The following SSX7 variants were observed in gnomAD, a reference collection of about 807,000 sequenced individuals.
SSX7 encodes the protein SSX family member 7, also known as protein SSX7.
Under a neutral mutation model 14.7 loss-of-function variants are expected in SSX7, and 15 were observed. That is an observed-to-expected ratio of 1.02 (90% CI 0.68 to 1.58). The LOEUF is 1.58. Ranked by LOEUF, SSX7 falls within the 40% of genes most tolerant of loss-of-function variation. The pLI, the probability that SSX7 is intolerant of heterozygous loss-of-function variation, is 0.00. For synonymous variants in SSX7, 46 were observed against 50.6 expected, an observed-to-expected ratio of 0.91 and a Z score of 0.38; for missense variants, 178 against 146.8, an observed-to-expected ratio of 1.21 and a Z score of -1.10.
chrX:52,650,255 G>A, intron 5 of SSX7, 98 bp downstream of exon 5: 2 of 1,033,799 alleles, frequency 1.9e-6, no homozygotes, highest in South Asian at 4.0e-5. Context: ...GGAGAAGGAG[G>A]CAGTGAGGGC....
At chrX:52,649,113 A>G (rs1556766711) in intron 5 of SSX7, among the ~76,000 whole-genome samples, 1 of 111,703 alleles carries the variant, frequency 9.0e-6, no homozygotes, top group Non-Finnish European at 1.9e-5. Context: ...GCTCACTGCA[A>G]CATCCAACTC....
Position 52,652,935 on chromosome X carries a change from A to T in SSX7, c.119T>A (p.Met40Lys). 8.3e-7 allele frequency: 1 copy of T among 1,203,806 alleles called. No homozygotes were observed. Among genetic ancestry groups the T allele is most frequent in the South Asian group, 1.8e-5 (1 of 56,845 alleles). The change falls in exon 3 of 8, where the codon ATG becomes AAG. Residue 40 changes from methionine (M) to lysine (K), a missense_variant. Met to Lys is a moderately conservative substitution (Grantham distance 95). Transcript: ENST00000298181. ...ATAGCTGATTTTCTCCAAGGATTTCATCTTTTCCCACTCTTTCTTAGAGAA... is the reference window on the plus strand; with the variant it reads ...ATAGCTGATTTTCTCCAAGGATTTCTTCTTTTCCCACTCTTTCTTAGAGAA... ...KYFSKKEWEK[M>K]KSLEKISYVY...
intron 5 of SSX7, among the ~76,000 whole-genome samples, chrX:52,649,553 G>A: frequency 8.9e-6 from 1 of 111,866 alleles, no homozygotes; most frequent in Non-Finnish European, 1.9e-5. Context: ...CACTTGTGGG[G>A]TCACTCATTC....
intron 6 of SSX7, among the ~76,000 whole-genome samples, chrX:52,646,601 G>C (rs1428467287): frequency 9.0e-6 from 1 of 110,945 alleles, no homozygotes; most frequent in African/African-American, 3.3e-5. Flanking sequence ...TTGGGGGGTG[G>C]GTACCAGGAA....
At chrX:52,651,775 T>G (rs1556767034) in intron 4 of SSX7, among the ~76,000 whole-genome samples, 1 of 111,521 alleles carries the variant, frequency 9.0e-6, no homozygotes, top group African/African-American at 3.3e-5. Flanking sequence ...CTCCGGAGGC[T>G]GAGGCAGGAG....
At chrX:52,654,294 T>G (rs1246105968) in intron 1 of SSX7, among the ~76,000 whole-genome samples, 3 of 105,440 alleles carry the variant, frequency 2.8e-5, no homozygotes, top group African/African-American at 1.0e-4. Context: ...AGAAGCGGAG[T>G]GGTGTGCACC....
In SSX7 at chrX:52,652,211, G is replaced by C. The variant is rs782160313; in HGVS notation, c.280+41C>G. On this transcript the variant is annotated intron_variant, in intron 4 of 7. Coordinates refer to ENST00000298181, the MANE Select transcript of SSX7 (RefSeq NM_173358.2). ...AAGTAGCTGAGCTGAAAAGCAGCTG[G>C]GCTTGAGGAGACCCTTTCCAGCCCC... The C allele has an allele frequency of 2.0e-5, 21 of 1,057,007 alleles. No individual in the cohort carries two copies. The South Asian group carries it at 3.2e-4, about 16-fold the overall frequency. The allele number at this position is 1,057,007 out of a possible 1,213,427, so 87.1% of individuals were successfully genotyped here.
intron 6 of SSX7, among the ~76,000 whole-genome samples, chrX:52,647,028 ACTGC>A (rs1275929939): frequency 3.6e-5 from 4 of 112,385 alleles, no homozygotes; most frequent in Non-Finnish European, 7.5e-5. Flanking sequence ...AGAAAGCAAA[ACTGC>A]CTTACTGCTC....
At chrX:52,650,295 G>A (rs370183544) in intron 5 of SSX7, 58 bp downstream of exon 5, 788 of 1,172,108 alleles carry the variant, frequency 6.7e-4, no homozygotes, top group South Asian at 8.8e-4. Flanking sequence ...TCTTACCAGT[G>A]TTTGCATCCA....
rs782686776 is a variant in SSX7 at position 52,652,346 on chromosome X, G to A, written c.186C>T (p.Gly62=). 46 of 1,195,036 alleles carry A rather than the reference G, an allele frequency of 3.8e-5. No individual in the cohort carries two copies. The Middle Eastern group carries it at 9.3e-4, about 24-fold the overall frequency. ...TGAAAGGTGGGAGGGTGGCCTTGAA[G>A]CCTAGAAAGAAGCAAAATGTTTATT... ...KRKYEAMTKL[G]FKATLPPFMH... is the part of the protein sequence containing the mutation. The change falls in exon 4 of 8, where the codon GGC becomes GGT. Residue 62 remains glycine (G), a splice_region_variant and synonymous_variant. Coordinates refer to ENST00000298181, the MANE Select transcript of SSX7 (RefSeq NM_173358.2).
Position 52,652,348 on chromosome X carries a change from C to A in SSX7, c.185-1G>T. On this transcript the variant is annotated splice_acceptor_variant, in intron 3 of 7. Transcript: ENST00000298181. LOFTEE classifies it high-confidence loss of function. ...AAAGGTGGGAGGGTGGCCTTGAAGC[C>A]TAGAAAGAAGCAAAATGTTTATTCC... 1 of 1,192,102 alleles carries A rather than the reference C, an allele frequency of 8.4e-7. No individual in the cohort carries two copies. Among genetic ancestry groups the A allele is most frequent in the Non-Finnish European group, 1.1e-6 (1 of 879,215 alleles).
Position 52,650,377 on chromosome X carries a change from G to C in SSX7, c.306C>G (p.Cys102Trp), listed in dbSNP as rs782735386. 1.2e-5 allele frequency: 14 copies of C among 1,210,258 alleles called. No homozygotes were observed. The highest frequency in any genetic ancestry group is 1.6e-5 in the Non-Finnish European group (14 of 894,444). Residue 102 changes from cysteine (C) to tryptophan (W), a missense_variant, in exon 5 of 8, where the codon TGC (cysteine) becomes TGG (tryptophan). Coordinates refer to ENST00000298181, the MANE Select transcript of SSX7 (RefSeq NM_173358.2). ...CCTTCGGGAAGATTCTCTGGAGCCT[G>C]CAAAAAGTCATCTGAGGACGTTCAA... is the stretch of plus-strand genomic sequence containing the variant. ...NQVERPQMTF[C>W]RLQRIFPKIM...
intron 5 of SSX7, 91 bp downstream of exon 5, chrX:52,650,262 G>A (rs2056850107): frequency 3.7e-5 from 40 of 1,091,381 alleles, no homozygotes; most frequent in Non-Finnish European, 4.8e-5. Context: ...GAGGCAGTGA[G>A]GGCATTTTTT....
chrX:52,650,538 C>T, intron 4 of SSX7, 136 bp from the exon 5 acceptor site: 1 of 736,602 alleles, frequency 1.4e-6, no homozygotes, highest in Non-Finnish European at 2.0e-6. Context: ...AGTTTTGCTT[C>T]TGAATTATGT....
At position 52,653,505 on chromosome X, in the gene SSX7, T is replaced by A. The variant is rs782325714; in HGVS notation, c.-20-13A>T. On this transcript the variant is annotated splice_polypyrimidine_tract_variant and intron_variant, in intron 1 of 7. Coordinates refer to ENST00000298181, the MANE Select transcript of SSX7 (RefSeq NM_173358.2). ...GGAGCAGTCTGACCTGCAAGAGAAA[T>A]AGCCTGAGTCTTTCCAGCCACAGCA... 8.3e-7 allele frequency: 1 copy of A among 1,208,702 alleles called. No homozygotes were observed. Among genetic ancestry groups the A allele is most frequent in the Non-Finnish European group, 1.1e-6 (1 of 894,403 alleles).
At chrX:52,651,718 A>G (rs1256759953) in intron 4 of SSX7, among the ~76,000 whole-genome samples, 5 of 111,347 alleles carry the variant, frequency 4.5e-5, no homozygotes, top group Non-Finnish European at 7.5e-5. Flanking sequence ...TCTACCAAAA[A>G]TAAAAAATGA....
At chrX:52,649,357 G>A (rs1213598399) in intron 5 of SSX7, among the ~76,000 whole-genome samples, 17 of 111,767 alleles carry the variant, frequency 1.5e-4, no homozygotes, top group Admixed American at 1.3e-3. Context: ...CAGCTTCCTT[G>A]CTTATGAGAT....
At chrX:52,647,426 G>A (rs782671260) in intron 6 of SSX7, among the ~76,000 whole-genome samples, 8 of 112,306 alleles carry the variant, frequency 7.1e-5, no homozygotes, top group South Asian at 7.5e-4. Flanking sequence ...GAATTGACTC[G>A]AACTTTGAAA....
chrX:52,649,553 G>T (rs1417210123), intron 5 of SSX7, among the ~76,000 whole-genome samples: 1 of 111,866 alleles, frequency 8.9e-6, no homozygotes, highest in African/African-American at 3.2e-5. Flanking sequence ...CACTTGTGGG[G>T]TCACTCATTC....
Sources: allele counts gnomAD v4.1 joint callset (sites outside exome capture counted in the v4.1 genomes callset), GRCh38; gene constraint gnomAD v4.1.1; transcripts MANE v1.5; gene names NCBI Gene and HGNC (gene_info 2026-07-23, HGNC 2026-07-21).